The following RNF19A variants were observed in gnomAD, a reference collection of about 807,000 sequenced individuals.
RNF19A encodes the protein E3 ubiquitin-protein ligase RNF19A.
In RNF19A, 32 loss-of-function variants were observed where a neutral mutation model predicts 75.7. The ratio of observed to expected loss-of-function variants is 0.42; its 90% confidence interval spans 0.32 to 0.57. The LOEUF (loss-of-function observed/expected upper bound fraction) is 0.57. Among genes scored for constraint, RNF19A ranks in the 20% least tolerant of loss-of-function variants. RNF19A has a pLI of 0.10. For missense variants in RNF19A, 782 were observed against 1,036.3 expected (o/e 0.75, Z 3.37); for synonymous variants, 335 against 345.2 (o/e 0.97, Z 0.33).
chr8:100,311,696 C>A (rs1176347385), upstream of RNF19A, among the ~76,000 whole-genome samples: 2 of 118,240 alleles, frequency 1.7e-5, no homozygotes, highest in African/African-American at 6.8e-5. Context: ...CCAGCCTGGG[C>A]GACAGAGCGA....
intron 5 of RNF19A, among the ~76,000 whole-genome samples, chr8:100,265,639 C>T (rs1819936786): frequency 1.3e-5 from 2 of 152,172 alleles, no homozygotes; most frequent in Non-Finnish European, 1.5e-5. Flanking sequence ...GACTTATAAA[C>T]AATACTACAG....
rs893030680 is a variant in RNF19A, at chr8:100,322,678, G to A, written c.-242-9306C>T. On this transcript the variant is annotated intron_variant, in intron 1 of 3. Coordinates refer to the RNF19A transcript ENST00000519527. This position sits in a 1 kb window ranked among gnomAD's most constrained non-coding sequence, Gnocchi z 5.1. The stretch of plus-strand genomic sequence containing the variant: ...TCCTCATTAAGCTTAATCATTTCTT[G>A]TTTTTTGGTTTCAAGTGAGAGGCAT... Among the ~76,000 whole-genome samples the A allele has an allele frequency of 6.6e-6, 1 of 152,168 alleles. No homozygotes were observed. The highest frequency in any genetic ancestry group is 1.5e-5 in the Non-Finnish European group (1 of 68,038).
intron 1 of RNF19A, among the ~76,000 whole-genome samples, chr8:100,293,588 T>C (rs1821410839): frequency 2.0e-5 from 3 of 152,326 alleles, no homozygotes; most frequent in Admixed American, 2.0e-4. Context: ...TGGTTTTCCT[T>C]GTCTCTATCC....
At chr8:100,314,788 A>T (rs1361928796), upstream of RNF19A, among the ~76,000 whole-genome samples, 1 of 151,926 alleles carries the variant, frequency 6.6e-6, no homozygotes, top group African/African-American at 2.4e-5. The surrounding 1 kb of genome is among the most constrained non-coding windows in gnomAD (Gnocchi z 4.1). Context: ...TACCTCTATA[A>T]TTTTTCTGTA....
intron 2 of RNF19A, among the ~76,000 whole-genome samples, chr8:100,286,705 C>G (rs936290743): frequency 3.9e-5 from 6 of 152,118 alleles, no homozygotes; most frequent in Admixed American, 3.3e-4. Flanking sequence ...CCCAGATAAT[C>G]TTGGAAGTTC....
intron 1 of RNF19A, among the ~76,000 whole-genome samples, chr8:100,335,569 A>T (rs1228565413): frequency 6.6e-6 from 1 of 152,260 alleles, no homozygotes; most frequent in Non-Finnish European, 1.5e-5. Flanking sequence ...AATGGAAATT[A>T]CTCCAAAGTC....
chr8:100,286,973 T>C (rs1821051759), intron 2 of RNF19A, among the ~76,000 whole-genome samples: 1 of 152,164 alleles, frequency 6.6e-6, no homozygotes, highest in African/African-American at 2.4e-5. Flanking sequence ...AAATCCAATA[T>C]TACATAACCC....
rs1586621749 is a variant in RNF19A, at chr8:100,275,291, C to A, written c.675-130G>T. On this transcript the variant is annotated intron_variant, in intron 2 of 9. Transcript: ENST00000341084. This position sits in a 1 kb window ranked among gnomAD's most constrained non-coding sequence, Gnocchi z 4.3. The stretch of plus-strand genomic sequence containing the variant: ...ATACATTAGCAAACAGTCATAAGCA[C>A]AATCTCACCAATATAAAAATGGGGG... 6 of 661,072 alleles carry A rather than the reference C, an allele frequency of 9.1e-6. No individual in the cohort carries two copies. Among genetic ancestry groups the A allele is most frequent in the Non-Finnish European group, 1.5e-5 (6 of 394,112 alleles). The allele number at this position is 661,072 out of a possible 1,614,324, so 41.0% of individuals were successfully genotyped here. A position where few individuals can be genotyped will look rare whatever the true frequency, so the allele number is the denominator to read the frequency against.
At chr8:100,265,627 A>G (rs1304257810) in intron 5 of RNF19A, among the ~76,000 whole-genome samples, 1 of 152,206 alleles carries the variant, frequency 6.6e-6, no homozygotes, top group Non-Finnish European at 1.5e-5. Flanking sequence ...CTAAAATAAA[A>G]TGACTTATAA....
chr8:100,309,139 TTACTTGCCGGGCGAGGGCTGGGAACACCC>T (rs924834548), intron 1 of RNF19A, among the ~76,000 whole-genome samples: 19 of 152,258 alleles, frequency 1.2e-4, no homozygotes, highest in Non-Finnish European at 1.5e-5. Flanking sequence ...AGTAGTAGTA[TTACTTGCCGGGCGAGGGCTGGGAACACCC>T]TAAAGGCTTA....
chr8:100,309,599 C>A (rs1159245114), intron 1 of RNF19A: 6 of 963,590 alleles, frequency 6.2e-6, no homozygotes, highest in Non-Finnish European at 7.4e-6. Context: ...CACGCTCCAC[C>A]TCGGCCCCCG....
In RNF19A at chr8:100,315,144, C is replaced by A. The variant is rs1822353839; in HGVS notation, c.-242-1772G>T. ...ATCTCTAGGAGTTTTGTCGTGTGCC[C>A]AGGCATGGTGGCACACACCTGTAGT... On this transcript the variant is annotated intron_variant, in intron 1 of 3. Coordinates refer to the RNF19A transcript ENST00000519527. Among the ~76,000 whole-genome samples, 2 of 152,048 alleles carry A rather than the reference C, an allele frequency of 1.3e-5. 1 individual carries two copies. Among genetic ancestry groups the A allele is most frequent in the South Asian group, 4.1e-4 (2 of 4,826 alleles).
chr8:100,271,059 A>ATAT (rs1385364961), intron 3 of RNF19A, among the ~76,000 whole-genome samples: 3 of 152,092 alleles, frequency 2.0e-5, no homozygotes, highest in Middle Eastern at 3.4e-3. Context: ...GCATTAAGCT[A>ATAT]TATTCCATTC....
chr8:100,305,360 T>A (rs1175124000), intron 1 of RNF19A, among the ~76,000 whole-genome samples: 1 of 151,978 alleles, frequency 6.6e-6, no homozygotes, highest in Non-Finnish European at 1.5e-5. Flanking sequence ...AAAAGACACA[T>A]CAATCAGTTA....
At position 100,309,856 on chromosome 8, in the gene RNF19A, C is replaced by T. The variant is rs1386751994; in HGVS notation, c.-94+11G>A. The T allele has an allele frequency of 5.1e-6, 5 of 985,470 alleles. No individual in the cohort carries two copies. In the African/African-American group the frequency reaches 5.2e-5, roughly 10 times the overall value. 61.0% of individuals were successfully genotyped at this position (985,470 alleles called of 1,614,324 possible). A position where few individuals can be genotyped will look rare whatever the true frequency, so the allele number is the denominator to read the frequency against. On this transcript the variant is annotated intron_variant, in intron 1 of 9. Transcript: ENST00000341084. ...TCCGGGGCGCAAGCTCCTCCGGGTGCCCGCCCGTACCTTTAACTCCTCAGA... is the reference window on the plus strand; with the variant it reads ...TCCGGGGCGCAAGCTCCTCCGGGTGTCCGCCCGTACCTTTAACTCCTCAGA...
intron 1 of RNF19A, among the ~76,000 whole-genome samples, chr8:100,305,286 CCTGA>C (rs1822018826): frequency 6.6e-6 from 1 of 152,164 alleles, no homozygotes; most frequent in African/African-American, 2.4e-5. Flanking sequence ...AGACAGGTAG[CCTGA>C]CTTTCAATCC....
intron 1 of RNF19A, among the ~76,000 whole-genome samples, chr8:100,306,906 G>C (rs183615626): frequency 1.3e-5 from 2 of 152,296 alleles, no homozygotes; most frequent in South Asian, 4.1e-4. Context: ...GCTATTCTCC[G>C]TAAGTAGTAA....
upstream of RNF19A, among the ~76,000 whole-genome samples, chr8:100,312,074 G>A (rs1164744531): frequency 6.6e-6 from 1 of 152,146 alleles, no homozygotes; most frequent in African/African-American, 2.4e-5. Context: ...CCAGACACAA[G>A]CCAGAAACCT....
rs1821109644 is a variant in RNF19A, at chr8:100,288,039, A to G, written c.136T>C (p.Ser46Pro). The change falls in exon 2 of 10, where the codon TCC (serine) becomes CCC (proline). Residue 46 changes from serine to proline, a missense_variant. Transcript: ENST00000341084. ...GGCAAGCTCACAGATGAAGCAGAGG[A>G]CTGAAGATCTCGATCTGAACCCATT... ...RQMGSDRDLQ[S>P]SASSVSLPSV... 2 of 1,614,176 alleles carry G rather than the reference A, an allele frequency of 1.2e-6. No individual in the cohort carries two copies. The highest frequency in any genetic ancestry group is 1.7e-6 in the Non-Finnish European group (2 of 1,180,018).
Sources: gnomAD v4.1 joint callset for allele counts (sites outside exome capture counted in the v4.1 genomes callset) on GRCh38, gnomAD v4.1.1 for gene constraint, Gnocchi (gnomAD v3.1) non-coding constraint, MANE v1.5 for transcripts, NCBI Gene and HGNC (gene_info 2026-07-23, HGNC 2026-07-21) for gene names.